Variants in DGKG observed in about 807,000 individuals in gnomAD.
DGKG encodes diacylglycerol kinase gamma.
In DGKG, 78 loss-of-function variants were observed where a neutral mutation model predicts 105.3. That is an observed-to-expected ratio of 0.74 (90% confidence interval 0.62 to 0.89). The LOEUF is 0.89. DGKG is among the 40% of genes least tolerant of loss of function. The pLI, the probability that DGKG is intolerant of heterozygous loss-of-function variation, is 0.00. For synonymous variants in DGKG, 346 were observed against 367.1 expected, an observed-to-expected ratio of 0.94 and a Z score of 0.66; for missense variants, 958 against 1,020.1, an observed-to-expected ratio of 0.94 and a Z score of 0.83.
chr3:186,337,089 A>G (rs1033963517), intron 1 of DGKG, among the ~76,000 whole-genome samples: 1 of 152,220 alleles, frequency 6.6e-6, no homozygotes, highest in Non-Finnish European at 1.5e-5. Context: ...TACATAAACC[A>G]TTCCAGAGCA....
chr3:186,322,173 C>T (rs1383785187), intron 1 of DGKG, among the ~76,000 whole-genome samples: 3 of 152,120 alleles, frequency 2.0e-5, no homozygotes, highest in African/African-American at 4.8e-5. Flanking sequence ...ATAGAATCAG[C>T]CTAAATGCCT....
chr3:186,302,566 G>A (rs200607357), intron 3 of DGKG, among the ~76,000 whole-genome samples: 29 of 114,706 alleles, frequency 2.5e-4, no homozygotes, highest in African/African-American at 7.9e-4. Flanking sequence ...ATACACATAT[G>A]TATATATATA....
intron 21 of DGKG, chr3:186,207,365 C>A (rs1305390318): frequency 6.0e-6 from 5 of 836,648 alleles, no homozygotes; most frequent in Non-Finnish European, 7.2e-6. Flanking sequence ...TCTGGCAAAT[C>A]TGGATTTGAA....
intron 22 of DGKG, among the ~76,000 whole-genome samples, chr3:186,176,499 A>G (rs1717084199): frequency 6.6e-6 from 1 of 152,160 alleles, no homozygotes; most frequent in East Asian, 1.9e-4. Context: ...GAGAGTCACG[A>G]CAGGGAGGGC....
Position 186,251,749 on chromosome 3 carries a change from A to G in DGKG, c.1761+10T>C, listed in dbSNP as rs1400756293. 4 of 1,613,896 alleles carry G rather than the reference A, an allele frequency of 2.5e-6. No individual in the cohort carries two copies. The highest frequency in any genetic ancestry group is 1.7e-5 in the Admixed American group (1 of 59,994). ...CTTCCATACAGAAAGGTGATCTTTG[A>G]CCAACTCACCACACCAATGGAGAAA... On this transcript the variant is annotated intron_variant, in intron 19 of 24. Coordinates refer to ENST00000265022, the MANE Select transcript of DGKG (RefSeq NM_001346.3).
chr3:186,345,040 C>T (rs1469507791), intron 1 of DGKG, among the ~76,000 whole-genome samples: 2 of 152,126 alleles, frequency 1.3e-5, no homozygotes, highest in African/African-American at 4.8e-5. Flanking sequence ...TCTTCCACCT[C>T]TACCGTGTTT....
At chr3:186,227,076 C>T (rs1023313668) in intron 20 of DGKG, among the ~76,000 whole-genome samples, 16 of 152,036 alleles carry the variant, frequency 1.1e-4, no homozygotes, top group Admixed American at 9.2e-4. Context: ...TTTGGAGGAG[C>T]GTTTATAGAG....
chr3:186,225,491 T>C (rs1425517101), intron 20 of DGKG, among the ~76,000 whole-genome samples: 3 of 152,218 alleles, frequency 2.0e-5, no homozygotes, highest in South Asian at 2.1e-4. Flanking sequence ...AAGGCTCTTA[T>C]GGGGCCTGGC....
intron 1 of DGKG, among the ~76,000 whole-genome samples, chr3:186,343,569 GC>G (rs1359692068): frequency 3.9e-5 from 6 of 152,122 alleles, no homozygotes; most frequent in African/African-American, 1.4e-4. Flanking sequence ...TTATGTGTGA[GC>G]CACTGCACCT....
At chr3:186,280,993 C>T (rs994547420) in intron 7 of DGKG, 2 of 417,650 alleles carry the variant, frequency 4.8e-6, no homozygotes, top group South Asian at 6.7e-5. Context: ...TCCTCCTGGA[C>T]CCACCTTCCT....
At chr3:186,254,271 C>T (rs1328178086) in intron 17 of DGKG, among the ~76,000 whole-genome samples, 1 of 152,136 alleles carries the variant, frequency 6.6e-6, no homozygotes, top group East Asian at 1.9e-4. Context: ...CTAGGGTTGT[C>T]CTGGCAAACT....
At chr3:186,332,453 A>G (rs553812334) in intron 1 of DGKG, among the ~76,000 whole-genome samples, 1 of 152,248 alleles carries the variant, frequency 6.6e-6, no homozygotes, top group South Asian at 2.1e-4. Context: ...GGGCTGATGT[A>G]GGGAAGGGAT....
At chr3:186,252,899 A>G (rs1721291240) in intron 18 of DGKG, among the ~76,000 whole-genome samples, 194 bp downstream of exon 18, 1 of 152,238 alleles carries the variant, frequency 6.6e-6, no homozygotes, top group Non-Finnish European at 1.5e-5. Context: ...AGAGCCCAGA[A>G]GAGGGGCTTC....
chr3:186,148,138 A>G lies in DGKG; in HGVS notation c.*1952T>C. The stretch of plus-strand genomic sequence containing the variant: ...TTCCACTGATAAATCTCAGAGAGGG[A>G]TGGAGGCCCAATGAAGCTCTGCATG... On this transcript the variant is annotated 3_prime_UTR_variant, in exon 25 of 25. Coordinates refer to ENST00000265022, the MANE Select transcript of DGKG (RefSeq NM_001346.3). The G allele has an allele frequency of 1.0e-6, 1 of 985,458 alleles. No homozygotes were observed. 61.0% of individuals were successfully genotyped at this position (985,458 alleles called of 1,614,324 possible).
At chr3:186,207,575 T>A (rs1453582708) in intron 21 of DGKG, 1 of 791,868 alleles carries the variant, frequency 1.3e-6, no homozygotes, top group East Asian at 1.3e-4. Context: ...ATCCTAATAA[T>A]GGCCTTGGGA....
At chr3:186,242,308 G>C (rs1720725947) in intron 20 of DGKG, among the ~76,000 whole-genome samples, 196 bp downstream of exon 20, 1 of 152,192 alleles carries the variant, frequency 6.6e-6, no homozygotes. Context: ...TTTGGGAGAG[G>C]ACAGGCAGTT....
intron 2 of DGKG, among the ~76,000 whole-genome samples, chr3:186,313,302 C>T (rs1421282012): frequency 1.3e-5 from 2 of 152,100 alleles, no homozygotes; most frequent in East Asian, 3.8e-4. Context: ...GGCTCTGACA[C>T]AGATGTTACA....
intron 22 of DGKG, among the ~76,000 whole-genome samples, chr3:186,182,956 G>A (rs1425474546): frequency 6.6e-6 from 1 of 152,146 alleles, no homozygotes; most frequent in East Asian, 1.9e-4. Flanking sequence ...CGTGACACAG[G>A]CAGACTTCTG....
chr3:186,314,492 C>T (rs533679088), intron 2 of DGKG, among the ~76,000 whole-genome samples: 42 of 152,266 alleles, frequency 2.8e-4, no homozygotes, highest in African/African-American at 9.1e-4. Flanking sequence ...CGGTGGCTCA[C>T]GCCTGTAGTC....
Sources: allele counts gnomAD v4.1 joint callset (sites outside exome capture counted in the v4.1 genomes callset), GRCh38; gene constraint gnomAD v4.1.1; transcripts MANE v1.5; gene names NCBI Gene and HGNC (gene_info 2026-07-23, HGNC 2026-07-21).